Variants in BZW1 observed in about 807,000 individuals in gnomAD.
BZW1 encodes the protein eIF5-mimic protein 2.
BZW1 carries 3 observed loss-of-function variants against 54.1 expected under a neutral mutation model. The ratio of observed to expected loss-of-function variants is 0.06; its 90% CI spans 0.03 to 0.14. The LOEUF (loss-of-function observed/expected upper bound fraction) is 0.14. Ranked by LOEUF, BZW1 falls within the 10% of genes least tolerant of loss-of-function variation. The probability of loss-of-function intolerance (pLI) is 1.00; values close to 1 mark genes in which losing one functional copy is unlikely to be tolerated. For missense variants in BZW1, 206 were observed against 491.7 expected (o/e 0.42, Z 5.50); for synonymous variants, 152 against 162.7 (o/e 0.93, Z 0.50).
At chr2:200,821,397 C>T in intron 11 of BZW1, 92 bp downstream of exon 11, 1 of 1,493,296 alleles carries the variant, frequency 6.7e-7, no homozygotes. Flanking sequence ...TTTCTGATGC[C>T]ATTTTGTACC....
At chr2:200,821,626 T>C (rs1017592166) in intron 11 of BZW1, among the ~76,000 whole-genome samples, 3 of 152,160 alleles carry the variant, frequency 2.0e-5, no homozygotes, top group Non-Finnish European at 4.4e-5. Context: ...CTTGAACTCC[T>C]GGGCTCAAAC....
At chr2:200,815,645 T>C in intron 3 of BZW1, 22 bp from the exon 4 acceptor site, 6 of 1,585,626 alleles carry the variant, frequency 3.8e-6, no homozygotes, top group Non-Finnish European at 5.2e-6. Context: ...TTTTGTTGTA[T>C]TTTGGTTTTA....
chr2:200,820,283 T>A, intron 10 of BZW1, 163 bp downstream of exon 10: 3 of 581,830 alleles, frequency 5.2e-6, no homozygotes, highest in Non-Finnish European at 5.8e-6. Flanking sequence ...GCACTGATAC[T>A]TGTTTAAAAC....
rs915437744 is a variant in BZW1 at position 200,827,142 on chromosome 2, C to T, written c.*4964C>T. On this transcript the variant is annotated 3_prime_UTR_variant, in exon 12 of 12. Transcript: ENST00000409600. ...TAGTTAGGAGCAATGGCGCCCAGGA[C>T]GGCACACAGAATGGAGAAAACTGGA... 4.6e-5 allele frequency: 7 copies of T among 152,078 alleles called. No individual in the cohort carries two copies. The highest frequency in any genetic ancestry group is 9.7e-5 in the African/African-American group (4 of 41,408). The allele number at this position is 152,078 out of a possible 1,614,324, so 9.4% of individuals were successfully genotyped here. A position where few individuals can be genotyped will look rare whatever the true frequency, so the allele number is the denominator to read the frequency against.
intron 9 of BZW1, 111 bp downstream of exon 9, chr2:200,819,012 A>G: frequency 1.6e-6 from 2 of 1,238,660 alleles, no homozygotes; most frequent in Non-Finnish European, 2.2e-6. Context: ...GTTCCTAGGG[A>G]TGGCCCACCA....
intron 6 of BZW1, 133 bp from the exon 7 acceptor site, chr2:200,817,841 A>G (rs1327571828): frequency 2.9e-5 from 18 of 610,472 alleles, no homozygotes; most frequent in Non-Finnish European, 4.5e-5. Context: ...GTGGCCCAGG[A>G]AAGTTCAGGG....
chr2:200,816,270 C>A, intron 4 of BZW1, 55 bp from the exon 5 acceptor site: 1 of 1,326,862 alleles, frequency 7.5e-7, no homozygotes, highest in Non-Finnish European at 1.1e-6. Flanking sequence ...AGGTTTACTA[C>A]TTTGCTATTC....
In BZW1 at chr2:200,824,973, G is replaced by A. The variant is rs1378177538; in HGVS notation, c.*2795G>A. 1 of 151,610 alleles carries A rather than the reference G, an allele frequency of 6.6e-6. No individual in the cohort carries two copies. 9.4% of individuals were successfully genotyped at this position (151,610 alleles called of 1,614,324 possible). A position where few individuals can be genotyped will look rare whatever the true frequency, so the allele number is the denominator to read the frequency against. On this transcript the variant is annotated 3_prime_UTR_variant, in exon 12 of 12. Coordinates refer to ENST00000409600, the MANE Select transcript of BZW1 (RefSeq NM_001207067.2). ...GGGCTTGAGCCACCGCGCCCAGCTA[G>A]ACTTTTTTCTAATAGAGTCCCCCAT...
intron 5 of BZW1, 91 bp from the exon 6 acceptor site, chr2:200,817,015 A>G (rs2038320074): frequency 2.1e-6 from 3 of 1,448,896 alleles, no homozygotes; most frequent in Admixed American, 2.1e-5. Flanking sequence ...GAGCCCACGT[A>G]TTGAACAGGT....
chr2:200,817,610 C>A (rs971730199), intron 6 of BZW1, among the ~76,000 whole-genome samples: 1 of 150,810 alleles, frequency 6.6e-6, no homozygotes, highest in Non-Finnish European at 1.5e-5. Context: ...CTCCAATTGT[C>A]GGATTATTCT....
In BZW1 at chr2:200,818,008, A is replaced by G. The variant is rs1461029267; in HGVS notation, c.573A>G (p.Lys191=). 4 of 1,553,184 alleles carry G rather than the reference A, an allele frequency of 2.6e-6. No individual in the cohort carries two copies. In the East Asian group the frequency reaches 7.2e-5, roughly 28 times the overall value. ...CAGCTTTTGCTGTGAAGCTCTTTAA[A>G]TCATGGATAAATGAAAAAGATATCA... is the stretch of plus-strand genomic sequence containing the variant. The part of the protein sequence containing the change: ...VSAAFAVKLF[K]SWINEKDINA... Residue 191 remains lysine, a synonymous_variant, in exon 7 of 12, where the codon AAA becomes AAG. Coordinates refer to ENST00000409600, the MANE Select transcript of BZW1 (RefSeq NM_001207067.2).
At chr2:200,819,451 G>T (rs1186132190) in intron 9 of BZW1, among the ~76,000 whole-genome samples, 2 of 152,014 alleles carry the variant, frequency 1.3e-5, no homozygotes, top group Admixed American at 6.6e-5. Flanking sequence ...TTTGAAGGGG[G>T]TATTGGAAAA....
intron 2 of BZW1, 72 bp downstream of exon 2, chr2:200,813,353 G>A: frequency 7.4e-7 from 1 of 1,345,376 alleles, no homozygotes; most frequent in East Asian, 2.3e-5. Flanking sequence ...TCTCTGACAG[G>A]TACTTGCATA....
In BZW1 at chr2:200,824,855, G is replaced by A. The variant is rs1553604138; in HGVS notation, c.*2677G>A. ...CCCGACTAATTTTTTTGTATTTTTA[G>A]TAGAGACGAGGTTTCACCGGATTAG... On this transcript the variant is annotated 3_prime_UTR_variant, in exon 12 of 12. Transcript: ENST00000409600. 6.6e-6 allele frequency: 1 copy of A among 151,740 alleles called. No homozygotes were observed. Among genetic ancestry groups the A allele is most frequent in the Non-Finnish European group, 1.5e-5 (1 of 67,982 alleles). 9.4% of individuals were successfully genotyped at this position (151,740 alleles called of 1,614,324 possible).
In BZW1 at chr2:200,824,602, C is replaced by G. The variant is rs1328943291; in HGVS notation, c.*2424C>G. ...TTTAGTTAGGGGAAATGCATGTGAC[C>G]AAGAGGTTGGACTTCTAATTCAGTT... On this transcript the variant is annotated 3_prime_UTR_variant, in exon 12 of 12. Transcript: ENST00000409600. 6.6e-6 allele frequency: 1 copy of G among 150,696 alleles called. No homozygotes were observed. The highest frequency in any genetic ancestry group is 1.5e-5 in the Non-Finnish European group (1 of 67,834). 9.3% of individuals were successfully genotyped at this position (150,696 alleles called of 1,614,324 possible).
At chr2:200,817,879 C>A in intron 6 of BZW1, 95 bp from the exon 7 acceptor site, 1 of 824,854 alleles carries the variant, frequency 1.2e-6, no homozygotes, top group Non-Finnish European at 1.9e-6. Context: ...GTCAGTAATC[C>A]CATGTGATTG....
At position 200,816,777 on chromosome 2, in the gene BZW1, C is replaced by CA. The variant is rs2038308175; in HGVS notation, c.403-328dup. Among the ~76,000 whole-genome samples, 3 of 152,314 alleles carry CA rather than the reference C, an allele frequency of 2.0e-5. No individual in the cohort carries two copies. In the South Asian group the frequency reaches 6.2e-4, roughly 32 times the overall value. On this transcript the variant is annotated intron_variant, in intron 5 of 11. Coordinates refer to ENST00000409600, the MANE Select transcript of BZW1 (RefSeq NM_001207067.2). ...TGCTGGGGTTATAGGTGTGAGCCAA[C>CA]ACGCCTGGCCCAATATTGCATATAG...
Position 200,818,280 on chromosome 2 carries a change from G to T in BZW1, c.706G>T (p.Ala236Ser), listed in dbSNP as rs374628406. The T allele has an allele frequency of 6.2e-7, 1 of 1,609,754 alleles. No individual in the cohort carries two copies. Residue 236 changes from alanine to serine, a missense_variant, in exon 8 of 12, where the codon GCA (alanine) becomes TCA (serine). Physicochemically the swap from Ala to Ser is moderately conservative, Grantham distance 99. Around this residue, in one of 5 missense-constraint regions of BZW1, gnomAD observed 81 missense variants for 257.1 expected, o/e 0.32. Transcript: ENST00000409600. ...ACACTTCACAAAATATTTTACTGAGGCAGGCTTGAAAGAGCTTTCAGAATA... is the reference window on the plus strand; with the variant it reads ...ACACTTCACAAAATATTTTACTGAGTCAGGCTTGAAAGAGCTTTCAGAATA... The part of the protein sequence containing the change: ...VEHFTKYFTE[A>S]GLKELSEYVR...
rs757865726 is a variant in BZW1, at chr2:200,815,680, A to G, written c.255A>G (p.Thr85=). ...ATCCAACTTTAGCCCCAGGTGGTAC[A>G]CTGGCAGATGACATGATGCGTACAG... ...VAGGMLAPGG[T]LADDMMRTDV... is the part of the protein sequence containing the mutation. The change falls in exon 4 of 12, where the codon ACA becomes ACG. Residue 85 remains threonine, a synonymous_variant. Coordinates refer to ENST00000409600, the MANE Select transcript of BZW1 (RefSeq NM_001207067.2). 6.3e-6 allele frequency: 10 copies of G among 1,594,944 alleles called. No individual in the cohort carries two copies. The East Asian group carries it at 2.0e-4, about 32-fold the overall frequency.
Sources: gnomAD v4.1 joint callset for allele counts (sites outside exome capture counted in the v4.1 genomes callset) on GRCh38, gnomAD v4.1.1 for gene constraint, gnomAD v4.1.1 regional missense constraint, MANE v1.5 for transcripts, NCBI Gene and HGNC (gene_info 2026-07-23, HGNC 2026-07-21) for gene names.